SCD5: variants seen among roughly 807,000 people sequenced by gnomAD.
SCD5 encodes stearoyl-CoA desaturase 5.
Under a neutral mutation model 30.4 loss-of-function variants are expected in SCD5, and 20 were observed. That is an observed-to-expected ratio of 0.66 (90% CI 0.46 to 0.96). SCD5 has a LOEUF of 0.96. Among genes scored for constraint, SCD5 ranks in the 40% least tolerant of loss-of-function variants. SCD5 has a pLI of 0.00. For missense variants in SCD5, 381 were observed against 443.3 expected (o/e 0.86, Z 1.26); for synonymous variants, 173 against 176.4 (o/e 0.98, Z 0.16).
intron 3 of SCD5, among the ~76,000 whole-genome samples, chr4:82,644,665 G>C (rs1397612699): frequency 6.6e-6 from 1 of 152,230 alleles, no homozygotes; most frequent in East Asian, 1.9e-4. Context: ...TAACTGTGCA[G>C]ACTGCTTTTG....
intron 2 of SCD5, among the ~76,000 whole-genome samples, chr4:82,697,266 T>C (rs566967414): frequency 6.6e-6 from 1 of 152,376 alleles, no homozygotes; most frequent in South Asian, 2.1e-4. Flanking sequence ...ATCTGATAGT[T>C]ATTTGTTTAC....
At chr4:82,759,404 A>G (rs1347904472) in intron 1 of SCD5, among the ~76,000 whole-genome samples, 1 of 152,164 alleles carries the variant, frequency 6.6e-6, no homozygotes, top group African/African-American at 2.4e-5. Context: ...CCTCCGTAAC[A>G]ACAAATGGAA....
intron 3 of SCD5, among the ~76,000 whole-genome samples, chr4:82,670,771 TC>T (rs1457281046): frequency 2.6e-5 from 4 of 151,750 alleles, no homozygotes; most frequent in Admixed American, 6.6e-5. Flanking sequence ...AAATATCAAT[TC>T]CATATCAATT....
At chr4:82,774,181 G>T (rs761843674) in intron 1 of SCD5, among the ~76,000 whole-genome samples, 1 of 150,798 alleles carries the variant, frequency 6.6e-6, no homozygotes, top group African/African-American at 2.4e-5. Flanking sequence ...GCATGAGGAT[G>T]AAGCTACAAG....
At chr4:82,693,452 T>C (rs957897623) in intron 2 of SCD5, among the ~76,000 whole-genome samples, 14 of 152,342 alleles carry the variant, frequency 9.2e-5, no homozygotes, top group Middle Eastern at 6.8e-3. Flanking sequence ...TCAACTTTTT[T>C]CTAGGCTACT....
At chr4:82,673,651 T>C (rs1476805718) in intron 3 of SCD5, among the ~76,000 whole-genome samples, 5 of 152,172 alleles carry the variant, frequency 3.3e-5, no homozygotes, top group Non-Finnish European at 5.9e-5. Context: ...ATTGACAAAC[T>C]GATTGCAAGG....
chr4:82,637,199 C>A (rs1435161249), intron 3 of SCD5, among the ~76,000 whole-genome samples: 2 of 152,144 alleles, frequency 1.3e-5, no homozygotes, highest in Non-Finnish European at 2.9e-5. Context: ...ATCAATCAAC[C>A]TGATATTCAG....
Position 82,633,953 on chromosome 4 carries a change from A to G in SCD5, c.803-2436T>C, listed in dbSNP as rs564360498. Among the ~76,000 whole-genome samples the G allele has an allele frequency of 3.9e-5, 6 of 152,268 alleles. No individual in the cohort carries two copies. In the East Asian group the frequency reaches 7.7e-4, roughly 20 times the overall value. On this transcript the variant is annotated intron_variant, in intron 4 of 4. Coordinates refer to ENST00000319540, the MANE Select transcript of SCD5 (RefSeq NM_001037582.3). ...CTACTCCCTCCCAGTCCTGTTTTCT[A>G]TCTGTGTAGATTTGCCTATTTCAGA...
intron 4 of SCD5, among the ~76,000 whole-genome samples, chr4:82,636,314 A>G (rs7681697): frequency 0.59 from 89,074 of 151,532 alleles, 27,411 homozygotes; most frequent in Middle Eastern, 0.71. Context: ...AGCCAGGGAT[A>G]GTGGTGGATG....
chr4:82,664,991 CTCTCTCTCTATA>C (rs1382370408), intron 3 of SCD5, among the ~76,000 whole-genome samples: 5 of 96,158 alleles, frequency 5.2e-5, no homozygotes, highest in African/African-American at 2.0e-4. Context: ...CTCTCTCTCT[CTCTCTCTCTATA>C]TATATATATA....
At chr4:82,733,609 G>A (rs934129054) in intron 1 of SCD5, among the ~76,000 whole-genome samples, 2 of 152,140 alleles carry the variant, frequency 1.3e-5, no homozygotes, top group Non-Finnish European at 2.9e-5. Flanking sequence ...AAAAATATGG[G>A]AAAGAGAAGA....
rs1285911886 is a variant in SCD5 at position 82,630,598 on chromosome 4, AG to A, written c.*728del. The A allele has an allele frequency of 6.6e-6, 1 of 152,250 alleles. No individual in the cohort carries two copies. Among genetic ancestry groups the A allele is most frequent in the Non-Finnish European group, 1.5e-5 (1 of 68,056 alleles). 9.4% of individuals were successfully genotyped at this position (152,250 alleles called of 1,614,324 possible). A position where few individuals can be genotyped will look rare whatever the true frequency, so the allele number is the denominator to read the frequency against. On this transcript the variant is annotated 3_prime_UTR_variant, in exon 5 of 5. Transcript: ENST00000319540. ...TGACAACGTATATTTGACGTATTTT[AG>A]CTATAGCGATTAAATCACATGTCCA...
intron 1 of SCD5, among the ~76,000 whole-genome samples, chr4:82,710,554 C>T (rs866655584): frequency 2.6e-5 from 4 of 152,046 alleles, no homozygotes; most frequent in South Asian, 2.1e-4. Flanking sequence ...GCTGTTTTTC[C>T]CCAGAGAACT....
At chr4:82,773,085 C>T (rs578218994) in intron 1 of SCD5, among the ~76,000 whole-genome samples, 12 of 152,144 alleles carry the variant, frequency 7.9e-5, no homozygotes, top group African/African-American at 2.4e-4. Flanking sequence ...CAGGCCCTGG[C>T]CAGCACCCCA....
At chr4:82,727,064 T>C (rs557541587) in intron 1 of SCD5, among the ~76,000 whole-genome samples, 1 of 152,312 alleles carries the variant, frequency 6.6e-6, no homozygotes, top group East Asian at 1.9e-4. Flanking sequence ...TACAGAAAAG[T>C]CCACCCCATC....
chr4:82,702,080 G>A (rs1392358769), intron 2 of SCD5, among the ~76,000 whole-genome samples: 1 of 149,998 alleles, frequency 6.7e-6, no homozygotes, highest in Non-Finnish European at 1.5e-5. Context: ...GGTTCAGAGG[G>A]GACAGAGGAT....
At chr4:82,689,143 A>G (rs929547078) in intron 2 of SCD5, among the ~76,000 whole-genome samples, 1 of 152,244 alleles carries the variant, frequency 6.6e-6, no homozygotes, top group Admixed American at 6.5e-5. Flanking sequence ...ATTCTCCACT[A>G]AAAGGAATCA....
chr4:82,666,232 A>C (rs1226747507), intron 3 of SCD5, among the ~76,000 whole-genome samples: 2 of 152,254 alleles, frequency 1.3e-5, no homozygotes, highest in African/African-American at 4.8e-5. Flanking sequence ...ATAAACCAAT[A>C]ATAATAGATT....
intron 3 of SCD5, among the ~76,000 whole-genome samples, chr4:82,670,403 G>T (rs1363995644): frequency 6.6e-6 from 1 of 152,034 alleles, no homozygotes. Context: ...TAAGTAGACT[G>T]GACATGGTTG....
Sources: gnomAD v4.1 joint callset for allele counts (sites outside exome capture counted in the v4.1 genomes callset) on GRCh38, gnomAD v4.1.1 for gene constraint, MANE v1.5 for transcripts, NCBI Gene and HGNC (gene_info 2026-07-23, HGNC 2026-07-21) for gene names.